Variants in PPARGC1A observed in about 807,000 individuals in gnomAD.
The protein encoded by PPARGC1A is PPARG coactivator 1 alpha.
PPARGC1A carries 25 observed loss-of-function variants against 88.7 expected under a neutral mutation model. That is an observed-to-expected ratio of 0.28 (90% CI 0.21 to 0.39). The LOEUF is 0.39. Among genes scored for constraint, PPARGC1A ranks in the 10% least tolerant of loss-of-function variants. The probability of loss-of-function intolerance (pLI) is 1.00; values close to 1 mark genes in which losing one functional copy is unlikely to be tolerated. For missense variants in PPARGC1A, 880 were observed against 968.7 expected (o/e 0.91, Z 1.22); for synonymous variants, 363 against 355.6 (o/e 1.02, Z -0.24).
At chr4:24,238,301 T>C in the PPARGC1A span, among the ~76,000 whole-genome samples, 1 of 152,202 alleles carries the variant, frequency 6.6e-6, no homozygotes, top group Non-Finnish European at 1.5e-5. Flanking sequence ...AGTGATGTTA[T>C]TTTACAATAA....
chr4:23,904,604 A>C (rs1299313642), upstream of PPARGC1A, among the ~76,000 whole-genome samples: 2 of 152,138 alleles, frequency 1.3e-5, no homozygotes, highest in Admixed American at 6.5e-5. Context: ...GGCTGCTCAA[A>C]ACTTTACTGG....
chr4:23,875,999 A>G (rs1169940383), intron 2 of PPARGC1A: 1 of 152,218 alleles, frequency 6.6e-6, no homozygotes, highest in African/African-American at 2.4e-5. Context: ...ATTAAACACA[A>G]TGCTCAAGTT....
At chr4:24,290,034 A>C in the PPARGC1A span, among the ~76,000 whole-genome samples, 1 of 152,218 alleles carries the variant, frequency 6.6e-6, no homozygotes, top group East Asian at 1.9e-4. Context: ...CATTTATGAA[A>C]CCATCAGATC....
At chr4:23,901,060 A>G (rs946313410), upstream of PPARGC1A, among the ~76,000 whole-genome samples, 1 of 152,096 alleles carries the variant, frequency 6.6e-6, no homozygotes, top group Non-Finnish European at 1.5e-5. Flanking sequence ...CCTGGTCTCT[A>G]TTAAAAATAT....
At chr4:23,824,213 A>G (rs117327454) in intron 7 of PPARGC1A, 67 bp downstream of exon 7, 1 of 1,350,692 alleles carries the variant, frequency 7.4e-7, no homozygotes, top group East Asian at 2.3e-5. Context: ...ACACTCTGTT[A>G]TCTTATTACA....
chr4:24,085,161 C>T, the PPARGC1A span, among the ~76,000 whole-genome samples: 22 of 151,982 alleles, frequency 1.4e-4, no homozygotes, highest in Non-Finnish European at 2.9e-4. Flanking sequence ...CAACATCAAA[C>T]CTACTTATTT....
At chr4:24,033,845 G>C in the PPARGC1A span, among the ~76,000 whole-genome samples, 4 of 152,138 alleles carry the variant, frequency 2.6e-5, no homozygotes, top group Non-Finnish European at 5.9e-5. Context: ...CGTGGAGCCG[G>C]TTGATGGAAT....
At chr4:23,873,832 T>C (rs932119920) in intron 2 of PPARGC1A, among the ~76,000 whole-genome samples, 1 of 152,124 alleles carries the variant, frequency 6.6e-6, no homozygotes, top group Non-Finnish European at 1.5e-5. Flanking sequence ...GAAAAAAAGC[T>C]ACTCACACAT....
chr4:24,272,190 C>G, the PPARGC1A span, among the ~76,000 whole-genome samples: 1 of 152,148 alleles, frequency 6.6e-6, no homozygotes, highest in African/African-American at 2.4e-5. Flanking sequence ...GTCTTTAGCT[C>G]ACGTGGGATA....
At chr4:23,849,126 A>G (rs1728826455) in intron 2 of PPARGC1A, among the ~76,000 whole-genome samples, 1 of 152,204 alleles carries the variant, frequency 6.6e-6, no homozygotes, top group South Asian at 2.1e-4. Flanking sequence ...CCTGGGCGAC[A>G]GAGTGAGACT....
chr4:24,257,776 T>C, the PPARGC1A span, among the ~76,000 whole-genome samples: 1 of 152,082 alleles, frequency 6.6e-6, no homozygotes, highest in Non-Finnish European at 1.5e-5. Flanking sequence ...ACATTCATTC[T>C]CTCCCTGAAA....
At chr4:24,251,713 C>A in the PPARGC1A span, among the ~76,000 whole-genome samples, 1 of 152,152 alleles carries the variant, frequency 6.6e-6, no homozygotes, top group Admixed American at 6.6e-5. Context: ...AAGATTAGGT[C>A]ATTTTTCTGA....
chr4:24,169,191 A>G, the PPARGC1A span, among the ~76,000 whole-genome samples: 1 of 152,160 alleles, frequency 6.6e-6, no homozygotes, highest in African/African-American at 2.4e-5. Flanking sequence ...GACTAATCCC[A>G]GGTGAAGGAC....
At chr4:23,997,719 G>A in the PPARGC1A span, among the ~76,000 whole-genome samples, 4 of 151,732 alleles carry the variant, frequency 2.6e-5, no homozygotes, top group African/African-American at 9.7e-5. Flanking sequence ...CTTGAACTCC[G>A]AAGCTCAGGC....
the PPARGC1A span, among the ~76,000 whole-genome samples, chr4:23,960,811 T>C: frequency 6.6e-6 from 1 of 152,114 alleles, no homozygotes; most frequent in African/African-American, 2.4e-5. Flanking sequence ...ATTCATAAAA[T>C]AATTAAGCAT....
chr4:24,122,219 C>G, the PPARGC1A span, among the ~76,000 whole-genome samples: 1 of 152,004 alleles, frequency 6.6e-6, no homozygotes, highest in East Asian at 1.9e-4. Context: ...CAGGCCAAGC[C>G]AGGAAGCAGC....
the PPARGC1A span, among the ~76,000 whole-genome samples, chr4:24,364,558 G>A: frequency 6.6e-6 from 1 of 152,000 alleles, no homozygotes; most frequent in Non-Finnish European, 1.5e-5. Flanking sequence ...GTTAGTAATA[G>A]CCAAGCCTTT....
the PPARGC1A span, among the ~76,000 whole-genome samples, chr4:24,044,309 T>G: frequency 6.6e-6 from 1 of 152,160 alleles, no homozygotes; most frequent in Non-Finnish European, 1.5e-5. Flanking sequence ...AAATCCTTCG[T>G]CTTTTAAAAG....
upstream of PPARGC1A, among the ~76,000 whole-genome samples, chr4:23,906,392 C>A (rs1414797650): frequency 6.6e-6 from 1 of 151,610 alleles, no homozygotes; most frequent in Non-Finnish European, 1.5e-5. Flanking sequence ...GTGGGAGGAT[C>A]ACTTGAGATC....
Sources: allele counts gnomAD v4.1 joint callset (sites outside exome capture counted in the v4.1 genomes callset), GRCh38; gene constraint gnomAD v4.1.1; transcripts MANE v1.5; gene names NCBI Gene and HGNC (gene_info 2026-07-23, HGNC 2026-07-21).